BAZ2B: variants seen among roughly 807,000 people sequenced by gnomAD.
BAZ2B encodes bromodomain adjacent to zinc finger domain protein 2B.
BAZ2B carries 91 observed loss-of-function variants against 246.0 expected under a neutral mutation model. The observed-to-expected ratio is 0.37, with a 90% CI of 0.31 to 0.44. The LOEUF is 0.44. Ranked by LOEUF, BAZ2B falls within the 20% of genes least tolerant of loss-of-function variation. The pLI is 1.00. For synonymous variants in BAZ2B, 855 were observed against 860.0 expected (o/e 0.99, Z 0.10); for missense variants, 2,332 against 2,533.7 (o/e 0.92, Z 1.71).
At chr2:159,623,620 TTCC>T in the BAZ2B span, among the ~76,000 whole-genome samples, 1 of 152,194 alleles carries the variant, frequency 6.6e-6, no homozygotes, top group Non-Finnish European at 1.5e-5. Flanking sequence ...TCTTTTTTTC[TTCC>T]TCCTCTTCTT....
chr2:159,625,188 C>T, the BAZ2B span, among the ~76,000 whole-genome samples: 7 of 152,134 alleles, frequency 4.6e-5, no homozygotes, highest in South Asian at 1.5e-3. Context: ...TGTGAAAAGA[C>T]CAAACCTACA....
intron 26 of BAZ2B, among the ~76,000 whole-genome samples, chr2:159,373,645 A>G (rs1031471118): frequency 6.6e-6 from 1 of 152,258 alleles, no homozygotes; most frequent in East Asian, 1.9e-4. Context: ...AGCCTTGGCA[A>G]CATAGTGAGA....
chr2:159,384,863 A>G (rs911716474), intron 23 of BAZ2B, among the ~76,000 whole-genome samples: 2 of 152,140 alleles, frequency 1.3e-5, no homozygotes, highest in African/African-American at 4.8e-5. Flanking sequence ...AGCAACTAAA[A>G]ATATAAAAAA....
chr2:159,669,377 T>C, the BAZ2B span, among the ~76,000 whole-genome samples: 1 of 152,236 alleles, frequency 6.6e-6, no homozygotes, highest in Non-Finnish European at 1.5e-5. Flanking sequence ...TCTTTGAGAA[T>C]ACACTATGTG....
At chr2:159,648,271 G>C in the BAZ2B span, among the ~76,000 whole-genome samples, 7 of 152,104 alleles carry the variant, frequency 4.6e-5, no homozygotes, top group Non-Finnish European at 7.3e-5. Context: ...CCAAGTAGCT[G>C]GGGTTACACG....
At position 159,373,143 on chromosome 2, in the gene BAZ2B, A is replaced by C. The variant is rs2061033055; in HGVS notation, c.4115T>G (p.Leu1372Trp). 1.2e-6 allele frequency: 2 copies of C among 1,614,072 alleles called. No homozygotes were observed. Among genetic ancestry groups the C allele is most frequent in the Middle Eastern group, 1.6e-4 (1 of 6,062 alleles). The change falls in exon 27 of 37, where the codon TTG becomes TGG. Residue 1372 changes from leucine to tryptophan, a missense_variant. Leu to Trp is a moderately conservative substitution (Grantham distance 61, BLOSUM62 -2). This residue lies in a region of BAZ2B where 676 missense variants were observed against 668.6 expected (regional missense o/e 1.01). Coordinates refer to ENST00000392783, the MANE Select transcript of BAZ2B (RefSeq NM_013450.4). ...RRKLFDASHS[L>W]RSVMFGQDRY... ...ATCTTGGCCAAACATCACTGAACGC[A>C]ATGAGTGAGACGCATCAAAGAGCTT...
chr2:159,329,227 T>C (rs1015771746), intron 34 of BAZ2B, among the ~76,000 whole-genome samples: 5 of 151,202 alleles, frequency 3.3e-5, no homozygotes, highest in Admixed American at 1.3e-4. Context: ...AAAAACAATA[T>C]AGTCTAACAA....
At chr2:159,573,194 A>C (rs1684443713) in intron 1 of BAZ2B, among the ~76,000 whole-genome samples, 1 of 152,200 alleles carries the variant, frequency 6.6e-6, no homozygotes, top group Non-Finnish European at 1.5e-5. Context: ...TATTTTGGCC[A>C]GGATTGCCAA....
rs751054456 is a variant in BAZ2B at position 159,332,574 on chromosome 2, T to G, written c.5909A>C (p.Asp1970Ala). The G allele has an allele frequency of 6.2e-7, 1 of 1,614,050 alleles. No homozygotes were observed. Among genetic ancestry groups the G allele is most frequent in the Admixed American group, 1.7e-5 (1 of 60,012 alleles). ...GCAAGCTGGACAAAACCAGTCTCCA[T>G]CTGGGATTGTTGTAATCTTGGGTCT... Reference protein sequence around the residue: ...CHRPKITTIPDGDWFCPACIA... With the variant: ...CHRPKITTIPAGDWFCPACIA... The change falls in exon 34 of 37, where the codon GAT (aspartate) becomes GCT (alanine). Residue 1970 changes from aspartate (D) to alanine (A), a missense_variant. By Grantham distance (126) the Asp-to-Ala change is moderately radical. Transcript: ENST00000392783.
chr2:159,537,505 T>C (rs918608066), intron 2 of BAZ2B, among the ~76,000 whole-genome samples: 7 of 152,272 alleles, frequency 4.6e-5, no homozygotes, highest in African/African-American at 1.7e-4. Flanking sequence ...AATGAATGTT[T>C]AATAAACATT....
the BAZ2B span, among the ~76,000 whole-genome samples, chr2:159,686,781 A>G: frequency 3.6e-4 from 55 of 152,192 alleles, 1 homozygote; most frequent in Middle Eastern, 0.01. Context: ...GGTGGCTCAC[A>G]CCTGTAATCC....
chr2:159,362,721 A>G (rs2059841893), intron 27 of BAZ2B, among the ~76,000 whole-genome samples: 1 of 152,236 alleles, frequency 6.6e-6, no homozygotes. Flanking sequence ...GGATGGTCTC[A>G]GTAGCTACGC....
downstream of BAZ2B, among the ~76,000 whole-genome samples, chr2:159,317,690 T>C (rs2062254842): frequency 6.6e-6 from 1 of 152,196 alleles, no homozygotes; most frequent in Non-Finnish European, 1.5e-5. Context: ...GAAAGCCTAA[T>C]TTATCTTAAG....
chr2:159,506,529 T>C (rs986485606), intron 2 of BAZ2B, among the ~76,000 whole-genome samples: 11 of 152,194 alleles, frequency 7.2e-5, no homozygotes, highest in Non-Finnish European at 1.6e-4. Flanking sequence ...GCTGCTTAGA[T>C]GGAGGAATAT....
chr2:159,501,416 C>T (rs1220715031), intron 2 of BAZ2B, among the ~76,000 whole-genome samples: 3 of 147,454 alleles, frequency 2.0e-5, no homozygotes, highest in Non-Finnish European at 4.5e-5. Context: ...TGTACACATA[C>T]ACACACACTG....
At chr2:159,666,025 C>T in the BAZ2B span, among the ~76,000 whole-genome samples, 4 of 150,528 alleles carry the variant, frequency 2.7e-5, no homozygotes, top group Non-Finnish European at 5.9e-5. Flanking sequence ...TTATGATGTA[C>T]CTAGGCAAAA....
At position 159,319,485 on chromosome 2, in the gene BAZ2B, A is replaced by G. The variant is rs996454672; in HGVS notation, c.*780T>C. ...CTTCAGACGAAAATAAAATGCTACA[A>G]TCCTCTAAGGCATGAACAATAATGT... On this transcript the variant is annotated 3_prime_UTR_variant, in exon 37 of 37. Transcript: ENST00000392783. The surrounding 1 kb of genome is among the most constrained non-coding windows in gnomAD (Gnocchi z 4.0). 3 of 152,648 alleles carry G rather than the reference A, an allele frequency of 2.0e-5. No individual in the cohort carries two copies. The highest frequency in any genetic ancestry group is 7.2e-5 in the African/African-American group (3 of 41,452). The allele number at this position is 152,648 out of a possible 1,614,324, so 9.5% of individuals were successfully genotyped here. A position where few individuals can be genotyped will look rare whatever the true frequency, so the allele number is the denominator to read the frequency against.
the BAZ2B span, among the ~76,000 whole-genome samples, chr2:159,677,934 T>C: frequency 6.6e-6 from 1 of 152,194 alleles, no homozygotes; most frequent in Non-Finnish European, 1.5e-5. Flanking sequence ...TTCTGCATAG[T>C]ATTCAAAAAA....
intron 2 of BAZ2B, among the ~76,000 whole-genome samples, chr2:159,496,099 A>G (rs1486588946): frequency 6.8e-6 from 1 of 147,530 alleles, no homozygotes; most frequent in Non-Finnish European, 1.5e-5. Context: ...AATTAGGCTG[A>G]GCACGGTGGC....
Sources: gnomAD v4.1 joint callset for allele counts (sites outside exome capture counted in the v4.1 genomes callset) on GRCh38, gnomAD v4.1.1 for gene constraint, gnomAD v4.1.1 regional missense constraint, Gnocchi (gnomAD v3.1) non-coding constraint, MANE v1.5 for transcripts, NCBI Gene and HGNC (gene_info 2026-07-23, HGNC 2026-07-21) for gene names.